CHGB: variants seen among roughly 807,000 people sequenced by gnomAD.
CHGB encodes the protein chromogranin B, also known as secretogranin-1.
CHGB carries 46 observed loss-of-function variants against 69.9 expected under a neutral mutation model. The observed-to-expected ratio is 0.66, with a 90% CI of 0.52 to 0.84. The LOEUF is 0.84. Among genes scored for constraint, CHGB ranks in the 40% least tolerant of loss-of-function variants. The pLI is 0.00. For missense variants in CHGB, 796 were observed against 822.2 expected, an observed-to-expected ratio of 0.97 and a Z score of 0.39; for synonymous variants, 312 against 298.2, an observed-to-expected ratio of 1.05 and a Z score of -0.48.
chr20:5,921,783 A>C (rs759020131), intron 3 of CHGB, among the ~76,000 whole-genome samples: 4 of 152,256 alleles, frequency 2.6e-5, no homozygotes, highest in Non-Finnish European at 4.4e-5. Flanking sequence ...TTGGATAATA[A>C]AAGTCTGATA....
chr20:5,922,360 G>A lies in CHGB; in HGVS notation c.216G>A (p.Glu72=). 1 of 1,561,566 alleles carries A rather than the reference G, an allele frequency of 6.4e-7. No individual in the cohort carries two copies. The highest frequency in any genetic ancestry group is 8.7e-7 in the Non-Finnish European group (1 of 1,150,686). The part of the protein sequence containing the change: ...KTSRKDVKDK[E]TTENENTKFE... The stretch of plus-strand genomic sequence containing the variant: ...GTAGAAAAGACGTCAAAGACAAAGA[G>A]ACAACTGAAAATGAAAACACAAAGT... The change falls in exon 4 of 5, where the codon GAG becomes GAA. Residue 72 remains glutamate, a synonymous_variant. Coordinates refer to ENST00000378961, the MANE Select transcript of CHGB (RefSeq NM_001819.3).
At chr20:5,917,232 A>C in intron 3 of CHGB, 1 of 281,226 alleles carries the variant, frequency 3.6e-6, no homozygotes, top group Admixed American at 4.6e-5. Flanking sequence ...CATACTTTGG[A>C]TTTTTAGAAC....
chr20:5,922,803 A>G lies in CHGB; in HGVS notation c.659A>G (p.His220Arg). ...KEELVARSET[H>R]AAGHSQEKTH... Reference sequence around the variant, plus strand: ...GAGTTAGTGGCCAGATCGGAAACACATGCTGCCGGGCATTCTCAGGAGAAG... The same window carrying G: ...GAGTTAGTGGCCAGATCGGAAACACGTGCTGCCGGGCATTCTCAGGAGAAG... The change falls in exon 4 of 5, where the codon CAT becomes CGT. Residue 220 changes from histidine (H) to arginine (R), a missense_variant. By Grantham distance (29) the His-to-Arg change is conservative. Coordinates refer to ENST00000378961, the MANE Select transcript of CHGB (RefSeq NM_001819.3). The G allele has an allele frequency of 6.2e-7, 1 of 1,614,190 alleles. No individual in the cohort carries two copies. The highest frequency in any genetic ancestry group is 2.2e-5 in the East Asian group (1 of 44,888).
intron 2 of CHGB, 46 bp downstream of exon 2, chr20:5,916,418 CT>C: frequency 2.0e-6 from 3 of 1,501,798 alleles, no homozygotes; most frequent in Non-Finnish European, 2.8e-6. Flanking sequence ...TGTCTAGACT[CT>C]AGATTCTCCC....
At chr20:5,912,873 C>CA (rs1194044021) in intron 1 of CHGB, among the ~76,000 whole-genome samples, 8 of 151,828 alleles carry the variant, frequency 5.3e-5, no homozygotes, top group Non-Finnish European at 1.2e-4. Flanking sequence ...AAGGTAGAAA[C>CA]AAAATGAAAG....
At position 5,924,032 on chromosome 20, in the gene CHGB, G is replaced by A; in HGVS notation, c.1888G>A (p.Val630Met). The change falls in exon 4 of 5, where the codon GTG becomes ATG. Residue 630 changes from valine to methionine, a missense_variant. Coordinates refer to ENST00000378961, the MANE Select transcript of CHGB (RefSeq NM_001819.3). ...AGACTTCTATGATTCTGAGGAGCCGGTGAGCACCCACCAGGAGGCAGAAAA... is the reference window on the plus strand; with the variant it reads ...AGACTTCTATGATTCTGAGGAGCCGATGAGCACCCACCAGGAGGCAGAAAA... ...FPDFYDSEEP[V>M]STHQEAENEK... 6.2e-7 allele frequency: 1 copy of A among 1,613,758 alleles called. No homozygotes were observed. Among genetic ancestry groups the A allele is most frequent in the Non-Finnish European group, 8.5e-7 (1 of 1,179,846 alleles).
intron 3 of CHGB, among the ~76,000 whole-genome samples, chr20:5,920,301 T>C (rs1326609096): frequency 6.6e-6 from 1 of 152,214 alleles, no homozygotes; most frequent in East Asian, 1.9e-4. Flanking sequence ...GAGGCTGAGA[T>C]CTTGTCTGAT....
In CHGB at chr20:5,922,687, T is replaced by A. The variant is rs531437204; in HGVS notation, c.543T>A (p.Asp181Glu). Reference sequence around the variant, plus strand: ...ATCAAAAAGGGGAGCGAGGGGAAGATAGCAGTGAAGAGAAACACCTTGAAG... The same window carrying A: ...ATCAAAAAGGGGAGCGAGGGGAAGAAAGCAGTGAAGAGAAACACCTTGAAG... Reference protein sequence around the residue: ...ENYQKGERGEDSSEEKHLEEP... With the variant: ...ENYQKGERGEESSEEKHLEEP... The change falls in exon 4 of 5, where the codon GAT becomes GAA. Residue 181 changes from aspartate to glutamate, a missense_variant. Asp to Glu is a conservative substitution (Grantham distance 45). Around this residue, in one of 3 missense-constraint regions of CHGB, gnomAD observed 518 missense variants for 506.3 expected, o/e 1.02. Transcript: ENST00000378961. 6.2e-7 allele frequency: 1 copy of A among 1,613,812 alleles called. No homozygotes were observed. Among genetic ancestry groups the A allele is most frequent in the South Asian group, 1.1e-5 (1 of 91,068 alleles).
intron 1 of CHGB, among the ~76,000 whole-genome samples, chr20:5,913,928 G>A (rs573531410): frequency 7.2e-5 from 11 of 152,088 alleles, no homozygotes; most frequent in African/African-American, 1.9e-4. Context: ...CACTGCACCC[G>A]GCCGGGAAAA....
At position 5,911,648 on chromosome 20, in the gene CHGB, G is replaced by C; in HGVS notation, c.15G>C (p.Leu5=). 5 of 1,510,342 alleles carry C rather than the reference G, an allele frequency of 3.3e-6. No individual in the cohort carries two copies. The highest frequency in any genetic ancestry group is 3.5e-6 in the Non-Finnish European group (4 of 1,133,906). The allele number at this position is 1,510,342 out of a possible 1,614,324, so 93.6% of individuals were successfully genotyped here. Residue 5 remains leucine (L), a synonymous_variant, in exon 1 of 5, where the codon CTG becomes CTC. Coordinates refer to ENST00000378961, the MANE Select transcript of CHGB (RefSeq NM_001819.3). ...CGAGCGGGGCCATGCAGCCAACGCT[G>C]CTTCTCAGCCTCCTGGGAGCCGTGG... The part of the protein sequence containing the change: MQPT[L]LLSLLGAVGL...
chr20:5,916,015 A>G, intron 1 of CHGB: 1 of 215,410 alleles, frequency 4.6e-6, no homozygotes, highest in Non-Finnish European at 9.1e-6. Flanking sequence ...ACCCAGCCCT[A>G]GCTTAAACTT....
rs754418411 is a variant in CHGB, at chr20:5,923,881, T to C, written c.1737T>C (p.Asp579=). ...GGGAGAAAAAGCCCTTCTCTGAGGA[T>C]GTGAACTGGGGGTATGAGAAGAGAA... ...DWWEKKPFSE[D]VNWGYEKRNL... Residue 579 remains aspartate (D), a synonymous_variant, in exon 4 of 5, where the codon GAT becomes GAC. Coordinates refer to ENST00000378961, the MANE Select transcript of CHGB (RefSeq NM_001819.3). The C allele has an allele frequency of 2.5e-6, 4 of 1,614,170 alleles. No individual in the cohort carries two copies. The South Asian group carries it at 3.3e-5, about 13-fold the overall frequency.
At chr20:5,912,336 TA>T (rs1340533445) in intron 1 of CHGB, among the ~76,000 whole-genome samples, 8 of 152,212 alleles carry the variant, frequency 5.3e-5, no homozygotes, top group Non-Finnish European at 1.2e-4. Context: ...TCAAAGGAAT[TA>T]TTTTTTTTTA....
intron 1 of CHGB, among the ~76,000 whole-genome samples, chr20:5,913,628 C>CTTTTTTTTTTTTTTTTTTTT (rs918275521): frequency 2.2e-5 from 2 of 90,472 alleles, no homozygotes; most frequent in Non-Finnish European, 4.9e-5. Flanking sequence ...CTTTTCTTTT[C>CTTTTTTTTTTTTTTTTTTTT]TTTTTTTTTT....
At chr20:5,917,743 A>G (rs1465200144) in intron 3 of CHGB, 1 of 151,302 alleles carries the variant, frequency 6.6e-6, no homozygotes, top group Non-Finnish European at 1.5e-5. Context: ...CACTGATTCA[A>G]ACAAATCCAG....
At chr20:5,918,648 TA>T (rs1413258665) in intron 3 of CHGB, among the ~76,000 whole-genome samples, 1 of 150,194 alleles carries the variant, frequency 6.7e-6, no homozygotes, top group African/African-American at 2.4e-5. Flanking sequence ...CCATCTCTAC[TA>T]AAAATACAAA....
chr20:5,920,641 A>G (rs2088508544), intron 3 of CHGB, among the ~76,000 whole-genome samples: 1 of 152,194 alleles, frequency 6.6e-6, no homozygotes, highest in Non-Finnish European at 1.5e-5. Flanking sequence ...TCCACGTGCT[A>G]TCACATTGAG....
chr20:5,925,043 G>A lies in CHGB; in HGVS notation c.2028G>A (p.Arg676=). The A allele has an allele frequency of 6.2e-7, 1 of 1,608,980 alleles. No individual in the cohort carries two copies. The highest frequency in any genetic ancestry group is 8.5e-7 in the Non-Finnish European group (1 of 1,175,764). The change falls in exon 5 of 5, where the codon AGG becomes AGA. Residue 676 remains arginine, a synonymous_variant. Transcript: ENST00000378961. ...AGATAGCTGAGAAATTCAGCCAAAG[G>A]GGCTGACTGTCATTGGAGCGGTGGG... is the stretch of plus-strand genomic sequence containing the variant. ...LQKIAEKFSQ[R]G
intron 3 of CHGB, chr20:5,917,349 T>G (rs1024594955): frequency 6.1e-6 from 1 of 163,134 alleles, no homozygotes; most frequent in African/African-American, 2.4e-5. Context: ...TTAAAAATCA[T>G]TCTTCTCTTT....
Sources: allele counts gnomAD v4.1 joint callset (sites outside exome capture counted in the v4.1 genomes callset), GRCh38; gene constraint gnomAD v4.1.1; regional missense constraint gnomAD v4.1.1; transcripts MANE v1.5; gene names NCBI Gene and HGNC (gene_info 2026-07-23, HGNC 2026-07-21).